The following STAG2 variants were observed in gnomAD, a reference collection of about 807,000 sequenced individuals.
The protein encoded by STAG2 is STAG2 cohesin complex component, also known as cohesin subunit SA-2.
In STAG2, 14 loss-of-function variants were observed where a neutral mutation model predicts 108.1. That is an observed-to-expected ratio of 0.13 (90% confidence interval 0.09 to 0.20). STAG2 has a LOEUF of 0.20. STAG2 is among the 10% of genes least tolerant of loss of function. STAG2 has a pLI of 1.00. For missense variants in STAG2, 440 were observed against 940.9 expected, an observed-to-expected ratio of 0.47 and a Z score of 6.96; for synonymous variants, 307 against 302.7, an observed-to-expected ratio of 1.01 and a Z score of -0.15.
intron 13 of STAG2, among the ~76,000 whole-genome samples, chrX:124,052,919 C>T (rs1394530324): frequency 5.5e-5 from 6 of 109,278 alleles, no homozygotes; most frequent in Non-Finnish European, 1.1e-4. Flanking sequence ...CGGGTTCAAG[C>T]GATTCCCCTG....
At chrX:123,999,952 T>C (rs963902233) in intron 1 of STAG2, among the ~76,000 whole-genome samples, 1 of 106,507 alleles carries the variant, frequency 9.4e-6, no homozygotes, top group Non-Finnish European at 1.9e-5. Flanking sequence ...AGCGACAGGG[T>C]CTTGCTATGT....
chrX:124,094,886 A>G (rs1247267401), intron 33 of STAG2, among the ~76,000 whole-genome samples: 1 of 111,302 alleles, frequency 9.0e-6, no homozygotes, highest in Non-Finnish European at 1.9e-5. Context: ...TTAAAGTAAA[A>G]TGAAAAGTGA....
chrX:124,028,959 A>ATATT (rs1204846128), intron 4 of STAG2, among the ~76,000 whole-genome samples: 5 of 99,375 alleles, frequency 5.0e-5, no homozygotes, highest in African/African-American at 1.1e-4. Context: ...GGTCGTTTTA[A>ATATT]TATTTATTTA....
In STAG2 at chrX:124,076,317, G is replaced by T; in HGVS notation, c.2534-15G>T. The stretch of plus-strand genomic sequence containing the variant: ...TAAAATACAAGATGCTTAATGTTTG[G>T]GACTTTTTCTCCAGATGGTCAGCAA... On this transcript the variant is annotated splice_polypyrimidine_tract_variant and intron_variant, in intron 25 of 34. Transcript: ENST00000371145. 1 of 1,204,826 alleles carries T rather than the reference G, an allele frequency of 8.3e-7. No individual in the cohort carries two copies. Among genetic ancestry groups the T allele is most frequent in the South Asian group, 1.8e-5 (1 of 56,059 alleles).
At chrX:123,968,695 A>C (rs2054215909) in intron 1 of STAG2, among the ~76,000 whole-genome samples, 1 of 112,147 alleles carries the variant, frequency 8.9e-6, no homozygotes, top group Non-Finnish European at 1.9e-5. Context: ...ACATCGTTCA[A>C]GGGGGGTGAA....
intron 1 of STAG2, among the ~76,000 whole-genome samples, chrX:123,982,814 G>T (rs1236616751): frequency 1.5e-5 from 1 of 65,521 alleles, no homozygotes; most frequent in African/African-American, 6.4e-5. Flanking sequence ...TACTTTCCTT[G>T]TACATTTGTC....
At chrX:124,061,120 T>G in intron 15 of STAG2, 104 bp from the exon 16 acceptor site, 2 of 515,389 alleles carry the variant, frequency 3.9e-6, no homozygotes, top group South Asian at 5.5e-5. Context: ...AAAAATAGAT[T>G]GCTGTTTGAG....
chrX:124,006,287 G>A (rs191264939), intron 1 of STAG2, among the ~76,000 whole-genome samples: 1 of 111,274 alleles, frequency 9.0e-6, no homozygotes, highest in Admixed American at 9.6e-5. Flanking sequence ...ATGCTCAGGT[G>A]TAAGGTTACT....
At chrX:123,991,462 C>T (rs1464906471) in intron 1 of STAG2, among the ~76,000 whole-genome samples, 1 of 109,084 alleles carries the variant, frequency 9.2e-6, no homozygotes. Context: ...AAATGATTCT[C>T]CTGCCTCAGC....
chrX:124,086,844 ATTT>A (rs2059119836), intron 30 of STAG2, 74 bp downstream of exon 30: 1 of 830,054 alleles, frequency 1.2e-6, no homozygotes, highest in African/African-American at 2.1e-5. Context: ...GGTTCACCTT[ATTT>A]TTTATTTGAG....
At chrX:123,972,223 T>A (rs750904258) in intron 1 of STAG2, among the ~76,000 whole-genome samples, 1 of 111,174 alleles carries the variant, frequency 9.0e-6, no homozygotes, top group South Asian at 3.8e-4. Context: ...ATTTGTGTTT[T>A]TTTTTTTCCC....
chrX:124,036,062 G>T (rs1337521947), intron 5 of STAG2, among the ~76,000 whole-genome samples: 1 of 112,353 alleles, frequency 8.9e-6, no homozygotes, highest in Non-Finnish European at 1.9e-5. Context: ...TGTAAATTAT[G>T]TTGGTTAATA....
Position 124,090,935 on chromosome X carries a change from T to A in STAG2, c.3549T>A (p.Val1183=). The A allele has an allele frequency of 8.3e-7, 1 of 1,208,096 alleles. No individual in the cohort carries two copies. The highest frequency in any genetic ancestry group is 1.1e-6 in the Non-Finnish European group (1 of 892,598). The part of the protein sequence containing the change: ...QQQERAAMSY[V]KLRTNLQHAI... ...AGGAGAGAGCAGCAATGAGCTATGT[T>A]AAACTGCGAACTAATCTTCAGCATG... The change falls in exon 32 of 35, where the codon GTT becomes GTA. Residue 1183 remains valine (V), a synonymous_variant. Transcript: ENST00000371145.
intron 15 of STAG2, among the ~76,000 whole-genome samples, chrX:124,059,357 G>C (rs1214709097): frequency 1.8e-5 from 2 of 112,122 alleles, no homozygotes; most frequent in African/African-American, 6.5e-5. Context: ...TATGGGAGAA[G>C]TGTCCAATAT....
intron 1 of STAG2, among the ~76,000 whole-genome samples, chrX:123,966,458 TAA>T (rs79614173): frequency 9.7e-6 from 1 of 103,558 alleles, no homozygotes. Context: ...AGACTCCGTT[TAA>T]AAAAAAAAAA....
chrX:124,100,032 A>G (rs185419897), intron 34 of STAG2, among the ~76,000 whole-genome samples: 4 of 111,776 alleles, frequency 3.6e-5, no homozygotes, highest in Admixed American at 2.9e-4. Context: ...TAAAATTTGT[A>G]GTTCTGTTCC....
intron 7 of STAG2, 89 bp downstream of exon 7, chrX:124,042,734 TG>T: frequency 1.5e-6 from 1 of 673,781 alleles, no homozygotes; most frequent in Non-Finnish European, 2.3e-6. Context: ...AGCATTAGGC[TG>T]GGCATGGTGG....
chrX:124,008,612 G>T (rs2056391235), intron 1 of STAG2, among the ~76,000 whole-genome samples: 1 of 111,676 alleles, frequency 9.0e-6, no homozygotes. Flanking sequence ...CTAAAGTGCT[G>T]GATTAGGGGC....
At chrX:124,010,797 T>C (rs1228596382) in intron 1 of STAG2, among the ~76,000 whole-genome samples, 1 of 112,088 alleles carries the variant, frequency 8.9e-6, no homozygotes, top group Admixed American at 9.5e-5. Context: ...TTGAGGACTT[T>C]CTCTAAAATG....
Sources: gnomAD v4.1 joint callset for allele counts (sites outside exome capture counted in the v4.1 genomes callset) on GRCh38, gnomAD v4.1.1 for gene constraint, MANE v1.5 for transcripts, NCBI Gene and HGNC (gene_info 2026-07-23, HGNC 2026-07-21) for gene names.